The following KAZN variants were observed in gnomAD, a reference collection of about 807,000 sequenced individuals.
KAZN encodes kazrin, periplakin interacting protein, also known as kazrin.
Under a neutral mutation model 87.4 loss-of-function variants are expected in KAZN, and 40 were observed. The ratio of observed to expected loss-of-function variants is 0.46; its 90% CI spans 0.36 to 0.60. The LOEUF is 0.60. Among genes scored for constraint, KAZN ranks in the 20% least tolerant of loss-of-function variants. KAZN has a pLI of 0.00. For missense variants in KAZN, 898 were observed against 1,073.9 expected, an observed-to-expected ratio of 0.84 and a Z score of 2.29; for synonymous variants, 466 against 458.3, an observed-to-expected ratio of 1.02 and a Z score of -0.22.
upstream of KAZN, among the ~76,000 whole-genome samples, chr1:14,595,680 CAAAAA>C (rs34080804): frequency 2.1e-5 from 2 of 96,686 alleles, no homozygotes; most frequent in Non-Finnish European, 4.1e-5. Flanking sequence ...GACTGCGTCT[CAAAAA>C]AAAAAAAAAA....
At chr1:14,602,103 G>T (rs1272874531) in intron 1 of KAZN, among the ~76,000 whole-genome samples, 1 of 152,124 alleles carries the variant, frequency 6.6e-6, no homozygotes, top group Non-Finnish European at 1.5e-5. Flanking sequence ...AGGTAGGTTG[G>T]TATCCCCTTT....
chr1:15,034,578 T>G (rs905046928), intron 2 of KAZN, among the ~76,000 whole-genome samples, 171 bp from the exon 3 acceptor site: 4 of 152,172 alleles, frequency 2.6e-5, no homozygotes, highest in African/African-American at 9.7e-5. Context: ...TGGCTTGGAA[T>G]CCTGGGAAGG....
chr1:13,999,730 T>C (rs960142102), intron 1 of KAZN, among the ~76,000 whole-genome samples: 8 of 151,892 alleles, frequency 5.3e-5, no homozygotes, highest in African/African-American at 1.9e-4. Context: ...GATAGAGACA[T>C]GAAGAACCCT....
rs535861451 is a variant in KAZN at position 14,638,526 on chromosome 1, A to G, written c.226+39303A>G. Among the ~76,000 whole-genome samples, 21 of 149,988 alleles carry G rather than the reference A, an allele frequency of 1.4e-4. 1 individual carries two copies. The East Asian group carries it at 4.1e-3, about 30-fold the overall frequency. ...GGAGGTTGCAGCGAGCTGAGATTGC[A>G]CCACGGCACTCCAGCCTGGGCAACA... On this transcript the variant is annotated intron_variant, in intron 1 of 14. Coordinates refer to ENST00000376030, the MANE Select transcript of KAZN (RefSeq NM_201628.3).
intron 1 of KAZN, among the ~76,000 whole-genome samples, chr1:14,057,566 G>A (rs1436606646): frequency 2.0e-5 from 3 of 152,204 alleles, no homozygotes; most frequent in Non-Finnish European, 2.9e-5. Context: ...CTGGTCTATG[G>A]TCCTGATCTG....
intron 3 of KAZN, among the ~76,000 whole-genome samples, 169 bp from the exon 4 acceptor site, chr1:15,043,820 T>G (rs1673174109): frequency 6.6e-6 from 1 of 151,858 alleles, no homozygotes; most frequent in African/African-American, 2.4e-5. Context: ...TTTTTTTGTG[T>G]TTTTAGTAGA....
intron 1 of KAZN, among the ~76,000 whole-genome samples, chr1:13,917,797 CAAAAAAAAAAAAA>C (rs35268955): frequency 1.3e-5 from 1 of 77,970 alleles, no homozygotes; most frequent in Non-Finnish European, 2.5e-5. Context: ...CCTGTGTCAT[CAAAAAAAAAAAAA>C]AAAAAAAAAG....
At chr1:14,034,260 G>A (rs2101350799) in intron 1 of KAZN, among the ~76,000 whole-genome samples, 1 of 152,228 alleles carries the variant, frequency 6.6e-6, no homozygotes, top group African/African-American at 2.4e-5. Flanking sequence ...GATGTAGGAG[G>A]ATACAAGCTG....
At chr1:14,335,201 T>C (rs1313528654) in intron 2 of KAZN, among the ~76,000 whole-genome samples, 1 of 145,708 alleles carries the variant, frequency 6.9e-6, no homozygotes, top group African/African-American at 2.5e-5. Context: ...ATGTCCTCCT[T>C]TCTTTTTTTT....
intron 2 of KAZN, among the ~76,000 whole-genome samples, chr1:15,019,878 T>C (rs1670492638): frequency 6.6e-6 from 1 of 152,204 alleles, no homozygotes; most frequent in Admixed American, 6.5e-5. Context: ...TCATTATTAG[T>C]GCTGGGGAAG....
At chr1:15,110,487 G>T (rs796568310) in intron 13 of KAZN, among the ~76,000 whole-genome samples, 2,989 of 38,294 alleles carry the variant, frequency 0.078, 122 homozygotes, top group African/African-American at 0.25. Flanking sequence ...GTATTTGTGT[G>T]TGTATGTATG....
intron 2 of KAZN, among the ~76,000 whole-genome samples, chr1:15,012,202 C>T (rs1217669613): frequency 5.3e-5 from 8 of 152,134 alleles, no homozygotes; most frequent in African/African-American, 1.9e-4. Flanking sequence ...GAACACTCTA[C>T]TCACACCCCA....
intron 2 of KAZN, among the ~76,000 whole-genome samples, chr1:14,553,233 CA>C (rs1234628561): frequency 5.3e-5 from 8 of 152,128 alleles, no homozygotes; most frequent in Middle Eastern, 6.3e-3. Flanking sequence ...AAAAATTACC[CA>C]GCCATGGTAG....
chr1:15,046,055 T>A (rs1017599870), intron 4 of KAZN, among the ~76,000 whole-genome samples: 2 of 152,168 alleles, frequency 1.3e-5, no homozygotes, highest in Admixed American at 6.5e-5. Context: ...CGCAGCACTT[T>A]GGGAGACCGA....
chr1:14,537,323 C>T (rs1672562377), intron 2 of KAZN, among the ~76,000 whole-genome samples: 1 of 152,212 alleles, frequency 6.6e-6, no homozygotes, highest in East Asian at 1.9e-4. Flanking sequence ...TCTGCCCTGT[C>T]CAATACTGTA....
intron 1 of KAZN, among the ~76,000 whole-genome samples, chr1:14,906,177 T>TATAATA (rs869163308): frequency 2.4e-4 from 8 of 33,498 alleles, no homozygotes; most frequent in African/African-American, 5.0e-4. Context: ...AAAAATATAT[T>TATAATA]ATAATAATAA....
intron 2 of KAZN, among the ~76,000 whole-genome samples, chr1:14,419,336 C>T (rs1665148644): frequency 6.6e-6 from 1 of 152,152 alleles, no homozygotes; most frequent in African/African-American, 2.4e-5. Context: ...GTCTGACGTC[C>T]GTGATCTTTC....
At chr1:14,528,886 T>A (rs1019023774) in intron 2 of KAZN, among the ~76,000 whole-genome samples, 3 of 152,128 alleles carry the variant, frequency 2.0e-5, no homozygotes, top group African/African-American at 4.8e-5. Context: ...ACTTTATTCA[T>A]GTCCCTCTCG....
In KAZN at chr1:14,935,135, T is replaced by G. The variant is rs551651683; in HGVS notation, c.227-25549T>G. Among the ~76,000 whole-genome samples the G allele has an allele frequency of 2.6e-5, 4 of 152,362 alleles. No homozygotes were observed. In the South Asian group the frequency reaches 6.2e-4, roughly 24 times the overall value. The stretch of plus-strand genomic sequence containing the variant: ...AAACCTGCATCCCTGGTTTTCCCTC[T>G]GCAGGGACAGAGGCTACCCCTTGGG... On this transcript the variant is annotated intron_variant, in intron 1 of 14. Transcript: ENST00000376030.
Sources: allele counts gnomAD v4.1 joint callset (sites outside exome capture counted in the v4.1 genomes callset), GRCh38; gene constraint gnomAD v4.1.1; transcripts MANE v1.5; gene names NCBI Gene and HGNC (gene_info 2026-07-23, HGNC 2026-07-21).